LY86: variants seen among roughly 807,000 people sequenced by gnomAD.
LY86 encodes the protein MD-1, RP105-associated.
A neutral mutation model predicts 17.3 loss-of-function variants in LY86; 20 were observed. The observed-to-expected ratio is 1.15, with a 90% CI of 0.81 to 1.68. The LOEUF is 1.68. LY86 is among the 40% of genes most tolerant of loss of function. The pLI, the probability that LY86 is intolerant of heterozygous loss-of-function variation, is 0.00. For missense variants in LY86, 200 were observed against 191.9 expected (o/e 1.04, Z -0.25); for synonymous variants, 74 against 70.6 (o/e 1.05, Z -0.24).
chr6:6,600,670 T>C (rs575210015), intron 1 of LY86, among the ~76,000 whole-genome samples: 1 of 149,152 alleles, frequency 6.7e-6, no homozygotes, highest in Non-Finnish European at 1.5e-5. Flanking sequence ...ACCCCAAAGC[T>C]TGAGGCCAGG....
At chr6:6,605,494 G>GATT (rs1761085634) in intron 1 of LY86, among the ~76,000 whole-genome samples, 1 of 152,258 alleles carries the variant, frequency 6.6e-6, no homozygotes, top group Non-Finnish European at 1.5e-5. Flanking sequence ...ATTAGCCAGA[G>GATT]ATCAGTGCCT....
intron 1 of LY86, among the ~76,000 whole-genome samples, chr6:6,613,781 G>A (rs780701825): frequency 3.0e-4 from 46 of 152,210 alleles, no homozygotes; most frequent in Non-Finnish European, 4.4e-5. Flanking sequence ...AGCGAGGGCT[G>A]CCAGCATGCT....
chr6:6,643,527 T>C (rs1360158670), intron 3 of LY86, among the ~76,000 whole-genome samples: 1 of 152,060 alleles, frequency 6.6e-6, no homozygotes, highest in Non-Finnish European at 1.5e-5. Context: ...GAAGAGATGG[T>C]GGTCAAAGGG....
At chr6:6,652,365 C>T (rs1025658950) in intron 4 of LY86, among the ~76,000 whole-genome samples, 3 of 152,040 alleles carry the variant, frequency 2.0e-5, no homozygotes, top group African/African-American at 7.3e-5. Flanking sequence ...AAAGACGTAC[C>T]CCATATCCCC....
chr6:6,629,372 A>G (rs1331961852), intron 3 of LY86, among the ~76,000 whole-genome samples: 2 of 152,246 alleles, frequency 1.3e-5, no homozygotes, highest in Non-Finnish European at 2.9e-5. Flanking sequence ...TGCAGGAATG[A>G]TTCTATTCCA....
chr6:6,654,804 A>G lies in LY86; in HGVS notation c.*177A>G. Reference sequence around the variant, plus strand: ...CCAGGACCAGACATCCCCAGACTCCACAGATGTAATGAAGTCCCCGAATGT... The same window carrying G: ...CCAGGACCAGACATCCCCAGACTCCGCAGATGTAATGAAGTCCCCGAATGT... On this transcript the variant is annotated 3_prime_UTR_variant, in exon 5 of 5. Transcript: ENST00000230568. The G allele has an allele frequency of 1.7e-6, 1 of 597,838 alleles. No individual in the cohort carries two copies. The highest frequency in any genetic ancestry group is 3.0e-6 in the Non-Finnish European group (1 of 336,440). 37.0% of individuals were successfully genotyped at this position (597,838 alleles called of 1,614,324 possible). A position where few individuals can be genotyped will look rare whatever the true frequency, so the allele number is the denominator to read the frequency against.
intron 1 of LY86, among the ~76,000 whole-genome samples, chr6:6,615,488 G>T (rs570650315): frequency 6.6e-6 from 1 of 152,148 alleles, no homozygotes; most frequent in African/African-American, 2.4e-5. Context: ...TTGGGAGGCC[G>T]AAACGGGTGG....
At chr6:6,632,961 T>G in intron 3 of LY86, among the ~76,000 whole-genome samples, 1 of 152,162 alleles carries the variant, frequency 6.6e-6, no homozygotes, top group East Asian at 1.9e-4. Context: ...TGGAGTCAAG[T>G]TCACTCCAGT....
chr6:6,603,438 TA>T (rs1031117907), intron 1 of LY86, among the ~76,000 whole-genome samples: 4 of 151,266 alleles, frequency 2.6e-5, no homozygotes, highest in Admixed American at 1.3e-4. Context: ...ACTTCTGTCA[TA>T]AAAAAACTGC....
At chr6:6,649,820 T>G in intron 4 of LY86, 143 bp downstream of exon 4, 1 of 632,142 alleles carries the variant, frequency 1.6e-6, no homozygotes, top group Non-Finnish European at 2.7e-6. Flanking sequence ...AGGCCATCCC[T>G]GCAAAAACCC....
intron 3 of LY86, among the ~76,000 whole-genome samples, chr6:6,638,027 AG>A (rs2113153461): frequency 6.6e-6 from 1 of 152,370 alleles, no homozygotes; most frequent in African/African-American, 2.4e-5. Flanking sequence ...GCAGACAAAC[AG>A]GGCTTGCAGA....
intron 3 of LY86, among the ~76,000 whole-genome samples, chr6:6,638,986 T>C (rs1257362736): frequency 6.6e-6 from 1 of 152,068 alleles, no homozygotes; most frequent in African/African-American, 2.4e-5. Flanking sequence ...CGTATGTTTA[T>C]TGCGGCACTA....
At chr6:6,590,565 G>T (rs1760493334) in intron 1 of LY86, among the ~76,000 whole-genome samples, 1 of 152,142 alleles carries the variant, frequency 6.6e-6, no homozygotes, top group African/African-American at 2.4e-5. Flanking sequence ...TTGAGGGGAT[G>T]CAATTCATCC....
chr6:6,626,176 CAG>C, intron 2 of LY86, 115 bp from the exon 3 acceptor site: 1 of 991,834 alleles, frequency 1.0e-6, no homozygotes, highest in Admixed American at 2.4e-5. Flanking sequence ...GTTCCCCACA[CAG>C]AGAAGATTAA....
chr6:6,647,607 G>A (rs527854845), intron 3 of LY86, among the ~76,000 whole-genome samples: 2 of 152,170 alleles, frequency 1.3e-5, no homozygotes, highest in South Asian at 4.2e-4. Flanking sequence ...AGCATGGCTG[G>A]CAATACCCTC....
At chr6:6,653,144 G>C (rs997568733) in intron 4 of LY86, among the ~76,000 whole-genome samples, 5 of 152,132 alleles carry the variant, frequency 3.3e-5, no homozygotes, top group African/African-American at 1.2e-4. Context: ...TCACACCCAA[G>C]GCACCATCCA....
intron 1 of LY86, among the ~76,000 whole-genome samples, chr6:6,590,118 TAAAA>T (rs34637229): frequency 1.4e-4 from 11 of 80,576 alleles, no homozygotes; most frequent in African/African-American, 3.0e-4. Context: ...AACTCTGTCT[TAAAA>T]AAAAAAAAAA....
rs1761760574 is a variant in LY86 at position 6,625,005 on chromosome 6, T to C, written c.216T>C (p.Ile72=). The stretch of plus-strand genomic sequence containing the variant: ...CAAATATCAACATTAGATTTGGAAT[T>C]ATTCTGAGTAAGTAAAAAAAATGAT... The part of the protein sequence containing the change: ...LKSNINIRFG[I]ILREDIKELF... Residue 72 remains isoleucine (I), a synonymous_variant, in exon 2 of 5, where the codon ATT becomes ATC. Transcript: ENST00000230568. 3 of 1,450,468 alleles carry C rather than the reference T, an allele frequency of 2.1e-6. No individual in the cohort carries two copies. Among genetic ancestry groups the C allele is most frequent in the Non-Finnish European group, 2.9e-6 (3 of 1,044,190 alleles). 89.8% of individuals were successfully genotyped at this position (1,450,468 alleles called of 1,614,324 possible).
At chr6:6,612,337 G>A (rs963642540) in intron 1 of LY86, among the ~76,000 whole-genome samples, 25 of 152,322 alleles carry the variant, frequency 1.6e-4, no homozygotes, top group East Asian at 3.9e-4. Flanking sequence ...GACCCTCGCA[G>A]TAAGCATTAC....
Sources: gnomAD v4.1 joint callset for allele counts (sites outside exome capture counted in the v4.1 genomes callset) on GRCh38, gnomAD v4.1.1 for gene constraint, MANE v1.5 for transcripts, NCBI Gene and HGNC (gene_info 2026-07-23, HGNC 2026-07-21) for gene names.